Variants in CCSER1 observed in about 807,000 individuals in gnomAD.
CCSER1 encodes the protein serine-rich coiled-coil domain-containing protein 1.
A neutral mutation model predicts 82.0 loss-of-function variants in CCSER1; 41 were observed. The ratio of observed to expected loss-of-function variants is 0.50; its 90% CI spans 0.39 to 0.65. The LOEUF (loss-of-function observed/expected upper bound fraction) is 0.65, where lower values mean the gene tolerates loss of function less well. CCSER1 is among the 30% of genes least tolerant of loss of function. The pLI, the probability that CCSER1 is intolerant of heterozygous loss-of-function variation, is 0.00. For missense variants in CCSER1, 1,119 were observed against 1,064.2 expected, an observed-to-expected ratio of 1.05 and a Z score of -0.72; for synonymous variants, 414 against 383.9, an observed-to-expected ratio of 1.08 and a Z score of -0.92.
rs148522870 is a variant in CCSER1 at position 90,273,365 on chromosome 4, A to G, written c.-41-34879A>G. On this transcript the variant is annotated intron_variant, in intron 1 of 10. Transcript: ENST00000509176. ...CATGTTTAAAGATAATTGAAAGAAT[A>G]TAATTGTTTGTAACACAAAGGATCA... Among the ~76,000 whole-genome samples the G allele has an allele frequency of 1.2e-4, 19 of 152,286 alleles. No homozygotes were observed. In the East Asian group the frequency reaches 3.5e-3, roughly 28 times the overall value.
intron 9 of CCSER1, among the ~76,000 whole-genome samples, chr4:90,976,274 A>T (rs1323265927): frequency 6.6e-6 from 1 of 151,372 alleles, no homozygotes; most frequent in East Asian, 1.9e-4. Context: ...TGATTGTATA[A>T]TTTACAAAAA....
At chr4:90,240,799 G>C (rs1408737128) in intron 1 of CCSER1, among the ~76,000 whole-genome samples, 4 of 152,078 alleles carry the variant, frequency 2.6e-5, no homozygotes, top group Non-Finnish European at 4.4e-5. Flanking sequence ...TGTCCATCTG[G>C]ATTAGTCACA....
intron 1 of CCSER1, among the ~76,000 whole-genome samples, chr4:90,156,251 T>C (rs1728134968): frequency 6.6e-6 from 1 of 152,210 alleles, no homozygotes; most frequent in South Asian, 2.1e-4. Context: ...TTTGTTATAA[T>C]TTCTGTTCTT....
intron 1 of CCSER1, among the ~76,000 whole-genome samples, chr4:90,306,036 C>T (rs1035177240): frequency 1.3e-5 from 2 of 152,072 alleles, no homozygotes; most frequent in East Asian, 3.8e-4. Context: ...CATGGATGAA[C>T]CTGGAGGACA....
At chr4:91,301,717 G>A (rs1032904409) in intron 10 of CCSER1, among the ~76,000 whole-genome samples, 2 of 151,708 alleles carry the variant, frequency 1.3e-5, no homozygotes, top group Non-Finnish European at 2.9e-5. Flanking sequence ...TTCACCAATG[G>A]ATAAGAATCA....
chr4:91,548,331 T>C (rs1761989732), intron 10 of CCSER1, among the ~76,000 whole-genome samples: 1 of 152,158 alleles, frequency 6.6e-6, no homozygotes, highest in South Asian at 2.1e-4. Context: ...ATTTTATTTA[T>C]ACACGGTCAT....
At chr4:91,511,415 G>A (rs928013287) in intron 10 of CCSER1, among the ~76,000 whole-genome samples, 4 of 152,104 alleles carry the variant, frequency 2.6e-5, no homozygotes, top group Non-Finnish European at 4.4e-5. Flanking sequence ...GCTCTGGGTA[G>A]TATGGCCATT....
At chr4:91,120,146 T>A (rs10019283) in intron 10 of CCSER1, among the ~76,000 whole-genome samples, 78,833 of 151,714 alleles carry the variant, frequency 0.52, 20,784 homozygotes, top group East Asian at 0.68. Context: ...TTTGTATATC[T>A]CATTTAAGAG....
At chr4:91,527,686 G>C (rs571125975) in intron 10 of CCSER1, among the ~76,000 whole-genome samples, 1 of 152,210 alleles carries the variant, frequency 6.6e-6, no homozygotes, top group African/African-American at 2.4e-5. Flanking sequence ...TAAAGAACTG[G>C]AGATATGTCA....
intron 10 of CCSER1, among the ~76,000 whole-genome samples, chr4:91,184,685 G>A (rs1734358541): frequency 6.6e-6 from 1 of 152,178 alleles, no homozygotes; most frequent in East Asian, 1.9e-4. Context: ...ATAGGTTCTG[G>A]AGGCTTAACA....
chr4:90,414,515 G>T (rs551159340), intron 4 of CCSER1, among the ~76,000 whole-genome samples: 1 of 152,088 alleles, frequency 6.6e-6, no homozygotes, highest in Non-Finnish European at 1.5e-5. Flanking sequence ...GGGATTTTAT[G>T]TTAGAAAATA....
Position 90,615,586 on chromosome 4 carries a change from A to G in CCSER1, c.1725-12439A>G, listed in dbSNP as rs117199417. Among the ~76,000 whole-genome samples, 123 of 152,282 alleles carry G rather than the reference A, an allele frequency of 8.1e-4. 1 individual carries two copies. The East Asian group carries it at 0.017, about 21-fold the overall frequency. On this transcript the variant is annotated intron_variant, in intron 5 of 10. Transcript: ENST00000509176. ...TCAGATGTGGTGGAAACACCAAGAG[A>G]ACTAGAATTAGAAGTGGACCCTGAA...
At chr4:91,541,415 TC>T (rs1761591107) in intron 10 of CCSER1, among the ~76,000 whole-genome samples, 1 of 152,180 alleles carries the variant, frequency 6.6e-6, no homozygotes, top group South Asian at 2.1e-4. Flanking sequence ...TGTGTGATGT[TC>T]CCCTTCCTGT....
rs1756392219 is a variant in CCSER1 at position 91,459,687 on chromosome 4, T to C, written c.2218-138885T>C. ...CTGCTACCTCTGTCTTTAAGACCAG[T>C]GTACAATTTCTAATTTCACTATACC... On this transcript the variant is annotated intron_variant, in intron 10 of 10. Coordinates refer to ENST00000509176, the MANE Select transcript of CCSER1 (RefSeq NM_001145065.2). Among the ~76,000 whole-genome samples, 5 of 152,166 alleles carry C rather than the reference T, an allele frequency of 3.3e-5. No homozygotes were observed. The South Asian group carries it at 1.0e-3, about 31-fold the overall frequency.
intron 4 of CCSER1, among the ~76,000 whole-genome samples, chr4:90,428,024 G>T (rs1757764346): frequency 6.6e-6 from 1 of 151,756 alleles, no homozygotes; most frequent in South Asian, 2.1e-4. Context: ...CATAGGTTCT[G>T]AATCAAACAA....
chr4:90,623,656 C>G (rs1446096645), intron 5 of CCSER1, among the ~76,000 whole-genome samples: 1 of 152,106 alleles, frequency 6.6e-6, no homozygotes, highest in Admixed American at 6.5e-5. Flanking sequence ...CTTATAACCA[C>G]TACACTTACT....
chr4:91,165,252 T>C lies in CCSER1; in HGVS notation c.2217+79258T>C, dbSNP rs901835098. On this transcript the variant is annotated intron_variant, in intron 10 of 10. Coordinates refer to ENST00000509176, the MANE Select transcript of CCSER1 (RefSeq NM_001145065.2). The stretch of plus-strand genomic sequence containing the variant: ...ACTCCAGACCCTGTTTGCCTGGGTA[T>C]GACCAGCGGAGGTTGCAGAACAGCA... Among the ~76,000 whole-genome samples the C allele has an allele frequency of 3.3e-5, 5 of 152,326 alleles. No homozygotes were observed. In the East Asian group the frequency reaches 7.7e-4, roughly 24 times the overall value.
At chr4:90,199,434 ACTAT>A (rs755454749) in intron 1 of CCSER1, among the ~76,000 whole-genome samples, 1 of 152,186 alleles carries the variant, frequency 6.6e-6, no homozygotes, top group Non-Finnish European at 1.5e-5. Context: ...TCCATCAAAT[ACTAT>A]CTAACATCTA....
At position 91,581,173 on chromosome 4, in the gene CCSER1, T is replaced by C. The variant is rs147130506; in HGVS notation, c.2218-17399T>C. On this transcript the variant is annotated intron_variant, in intron 10 of 10. Transcript: ENST00000509176. ...AATTATATAGAAGTTAATTAGTAAG[T>C]AGAGAGTAAAAGGAAACATAAAATG... 4.6e-3 allele frequency among the ~76,000 whole-genome samples: 691 copies of C among 151,868 alleles called. 7 individuals carry two copies. The highest frequency in any genetic ancestry group is 0.016 in the African/African-American group (656 of 41,494).
Sources: allele counts gnomAD v4.1 joint callset (sites outside exome capture counted in the v4.1 genomes callset), GRCh38; gene constraint gnomAD v4.1.1; transcripts MANE v1.5; gene names NCBI Gene and HGNC (gene_info 2026-07-23, HGNC 2026-07-21).